The following WDFY3 variants were observed in gnomAD, a reference collection of about 807,000 sequenced individuals.
WDFY3 encodes the protein WD repeat and FYVE domain containing 3.
In WDFY3, 66 loss-of-function variants were observed where a neutral mutation model predicts 409.6. The ratio of observed to expected loss-of-function variants is 0.16; its 90% CI spans 0.13 to 0.20. WDFY3 has a LOEUF of 0.20. Ranked by LOEUF, WDFY3 falls within the 10% of genes least tolerant of loss-of-function variation. The probability of loss-of-function intolerance (pLI) is 1.00; values close to 1 mark genes in which losing one functional copy is unlikely to be tolerated. For synonymous variants in WDFY3, 1,521 were observed against 1,537.1 expected, an observed-to-expected ratio of 0.99 and a Z score of 0.25; for missense variants, 3,031 against 4,298.1, an observed-to-expected ratio of 0.71 and a Z score of 8.24.
At chr4:84,881,274 G>C (rs1353467831) in intron 3 of WDFY3, among the ~76,000 whole-genome samples, 2 of 151,828 alleles carry the variant, frequency 1.3e-5, no homozygotes, top group African/African-American at 4.8e-5. Flanking sequence ...GTGGTTATTT[G>C]ATAGCAAATA....
chr4:84,903,317 G>A (rs561438043), intron 2 of WDFY3, among the ~76,000 whole-genome samples: 6 of 152,102 alleles, frequency 3.9e-5, no homozygotes, highest in East Asian at 1.9e-4. Flanking sequence ...GTTTGTTTGC[G>A]TCAAACAAAC....
intron 53 of WDFY3, among the ~76,000 whole-genome samples, chr4:84,708,084 C>A (rs1732278146): frequency 6.6e-6 from 1 of 152,126 alleles, no homozygotes; most frequent in Admixed American, 6.5e-5. Context: ...TGTTATGGTT[C>A]ATTTCTGAAC....
chr4:84,817,270 T>C (rs1393702955), intron 13 of WDFY3, 122 bp downstream of exon 13: 7 of 1,222,774 alleles, frequency 5.7e-6, no homozygotes, highest in Non-Finnish European at 8.1e-6. Context: ...TACAAAGTTG[T>C]GAGGTTTCTT....
chr4:84,875,861 C>T (rs1287296318), intron 3 of WDFY3, among the ~76,000 whole-genome samples: 2 of 152,166 alleles, frequency 1.3e-5, no homozygotes, highest in Admixed American at 1.3e-4. Flanking sequence ...CCATATGGAG[C>T]TGTTATCTCC....
chr4:84,937,926 C>T (rs1433485977), intron 1 of WDFY3, among the ~76,000 whole-genome samples: 1 of 152,004 alleles, frequency 6.6e-6, no homozygotes, highest in African/African-American at 2.4e-5. Context: ...CCAAGACCCC[C>T]AGTACATTTT....
intron 1 of WDFY3, among the ~76,000 whole-genome samples, chr4:84,962,425 T>C (rs1472583766): frequency 2.0e-4 from 30 of 152,308 alleles, no homozygotes; most frequent in African/African-American, 7.0e-4. Context: ...CATTTATATA[T>C]GCCAGACGAG....
At chr4:84,754,701 G>C (rs968528451) in intron 34 of WDFY3, among the ~76,000 whole-genome samples, 14 of 151,988 alleles carry the variant, frequency 9.2e-5, no homozygotes, top group Non-Finnish European at 1.3e-4. Context: ...AATTAGAGCA[G>C]AACAAAAGCA....
chr4:84,876,360 T>C (rs1762783292), intron 3 of WDFY3, among the ~76,000 whole-genome samples: 1 of 152,222 alleles, frequency 6.6e-6, no homozygotes, highest in Non-Finnish European at 1.5e-5. Flanking sequence ...TGCAATTAAT[T>C]GTATTACTAA....
chr4:84,678,993 G>C lies in WDFY3; in HGVS notation c.10073C>G (p.Ala3358Gly). Residue 3358 changes from alanine (A) to glycine (G), a missense_variant, in exon 65 of 68, where the codon GCC becomes GGC. Ala to Gly is a moderately conservative substitution (Grantham distance 60). Coordinates refer to ENST00000295888, the MANE Select transcript of WDFY3 (RefSeq NM_014991.6). ...GTGGCTAAGGGGGCCCTGCAGATGG[G>C]CTCTGGTCTGGCCCTCTGAATAGTT... ...FVNYSEGQTR[A>G]HLQGPLSHPH... 1 of 1,614,202 alleles carries C rather than the reference G, an allele frequency of 6.2e-7. No individual in the cohort carries two copies. Among genetic ancestry groups the C allele is most frequent in the Non-Finnish European group, 8.5e-7 (1 of 1,180,042 alleles).
intron 3 of WDFY3, among the ~76,000 whole-genome samples, chr4:84,860,850 G>T (rs1314240361): frequency 6.6e-6 from 1 of 152,180 alleles, no homozygotes; most frequent in Non-Finnish European, 1.5e-5. Context: ...GCCACAATTT[G>T]TATAAAATGT....
intron 62 of WDFY3, among the ~76,000 whole-genome samples, chr4:84,686,749 G>C (rs2148819303): frequency 6.6e-6 from 1 of 152,248 alleles, no homozygotes; most frequent in African/African-American, 2.4e-5. Flanking sequence ...TGTATATGGG[G>C]CATCACCTAC....
intron 10 of WDFY3, among the ~76,000 whole-genome samples, chr4:84,825,299 T>A (rs1255944166): frequency 6.6e-6 from 1 of 151,790 alleles, no homozygotes; most frequent in African/African-American, 2.4e-5. Flanking sequence ...ATAGGAAGAT[T>A]TAACTGTAGA....
intron 6 of WDFY3, among the ~76,000 whole-genome samples, chr4:84,839,653 T>G (rs1757059101): frequency 6.6e-6 from 1 of 150,838 alleles, no homozygotes; most frequent in Non-Finnish European, 1.5e-5. Context: ...AGGTCAGGAG[T>G]TCGGGACCAG....
At chr4:84,707,550 T>C (rs776557369) in intron 53 of WDFY3, among the ~76,000 whole-genome samples, 7 of 152,154 alleles carry the variant, frequency 4.6e-5, no homozygotes, top group Non-Finnish European at 1.0e-4. Flanking sequence ...CGGGAGAATG[T>C]GGTAGAGAAC....
chr4:84,837,094 GA>G lies in WDFY3; in HGVS notation c.415-5del. On this transcript the variant is annotated splice_region_variant and splice_polypyrimidine_tract_variant and intron_variant, in intron 6 of 67. Transcript: ENST00000295888. ...TTGTCATGCAGTCCACGGTTTTCTGGAAAACAAGCCAATAAATAAGTGAATA... is the reference window on the plus strand; with the variant it reads ...TTGTCATGCAGTCCACGGTTTTCTGGAAACAAGCCAATAAATAAGTGAATA... The G allele has an allele frequency of 6.7e-7, 1 of 1,482,924 alleles. No individual in the cohort carries two copies. Among genetic ancestry groups the G allele is most frequent in the East Asian group, 2.6e-5 (1 of 38,988 alleles). The allele number at this position is 1,482,924 out of a possible 1,614,324, so 91.9% of individuals were successfully genotyped here.
In WDFY3 at chr4:84,850,036, G is replaced by A. The variant is rs769311361; in HGVS notation, c.181-11C>T. On this transcript the variant is annotated splice_polypyrimidine_tract_variant and intron_variant, in intron 4 of 67. Coordinates refer to ENST00000295888, the MANE Select transcript of WDFY3 (RefSeq NM_014991.6). The stretch of plus-strand genomic sequence containing the variant: ...AGCATTTCCAAAAACCTGTAGATAA[G>A]AAAAGACATTGTTAATGAAGCACTG... 2.6e-6 allele frequency: 4 copies of A among 1,566,168 alleles called. No individual in the cohort carries two copies. Among genetic ancestry groups the A allele is most frequent in the Non-Finnish European group, 3.5e-6 (4 of 1,158,292 alleles).
intron 7 of WDFY3, 24 bp from the exon 8 acceptor site, chr4:84,831,629 C>G (rs1447027841): frequency 2.0e-5 from 31 of 1,580,028 alleles, no homozygotes; most frequent in Non-Finnish European, 2.6e-5. Context: ...CAAAACAAAA[C>G]AAGAGTGTAT....
At chr4:84,870,472 C>A (rs1374053952) in intron 3 of WDFY3, among the ~76,000 whole-genome samples, 1 of 152,102 alleles carries the variant, frequency 6.6e-6, no homozygotes, top group African/African-American at 2.4e-5. Flanking sequence ...AGTGGACTAG[C>A]ATGAGAGGGA....
intron 2 of WDFY3, among the ~76,000 whole-genome samples, chr4:84,914,040 T>C (rs1446409124): frequency 6.6e-6 from 1 of 152,166 alleles, no homozygotes; most frequent in East Asian, 1.9e-4. Flanking sequence ...TTTTCTTTTC[T>C]CCAGCTTGCT....
Sources: allele counts gnomAD v4.1 joint callset (sites outside exome capture counted in the v4.1 genomes callset), GRCh38; gene constraint gnomAD v4.1.1; transcripts MANE v1.5; gene names NCBI Gene and HGNC (gene_info 2026-07-23, HGNC 2026-07-21).